Variants in ROCK1 observed in about 807,000 individuals in gnomAD.
ROCK1 encodes the protein Rho associated coiled-coil containing protein kinase 1.
In ROCK1, 36 loss-of-function variants were observed where a neutral mutation model predicts 196.8. The ratio of observed to expected loss-of-function variants is 0.18; its 90% confidence interval spans 0.14 to 0.24. The LOEUF (loss-of-function observed/expected upper bound fraction) is 0.24, where lower values mean the gene tolerates loss of function less well. ROCK1 is among the 10% of genes least tolerant of loss of function. ROCK1 has a pLI of 1.00. For synonymous variants in ROCK1, 443 were observed against 515.9 expected (o/e 0.86, Z 1.91); for missense variants, 920 against 1,562.0 (o/e 0.59, Z 6.93).
intron 1 of ROCK1, among the ~76,000 whole-genome samples, chr18:21,088,733 G>A (rs540795181): frequency 6.6e-6 from 1 of 152,210 alleles, no homozygotes; most frequent in South Asian, 2.1e-4. Flanking sequence ...ATGCCATGAT[G>A]AACAGGTTTG....
Position 21,049,848 on chromosome 18 carries a change from G to T in ROCK1, c.208C>A (p.Arg70=). The T allele has an allele frequency of 6.2e-7, 1 of 1,603,922 alleles. No homozygotes were observed. Among genetic ancestry groups the T allele is most frequent in the Non-Finnish European group, 8.5e-7 (1 of 1,174,134 alleles). Reference sequence around the variant, plus strand: ...ACTTCATAATCTTCAGCTTTCATTCGTAAATCTCTGATTTTATTTATTGTG... The same window carrying T: ...ACTTCATAATCTTCAGCTTTCATTCTTAAATCTCTGATTTTATTTATTGTG... ...KDTINKIRDL[R]MKAEDYEVVK... is the part of the protein sequence containing the mutation. The change falls in exon 3 of 33, where the codon CGA becomes AGA. Residue 70 remains arginine, a synonymous_variant. Coordinates refer to ENST00000399799, the MANE Select transcript of ROCK1 (RefSeq NM_005406.3).
rs906353386 is a variant in ROCK1 at position 21,055,733 on chromosome 18, T to G, written c.176-5853A>C. ...GGGAAACAAAAAAAAACTCTTGATC[T>G]CATTTCTCTCAGCAGCTACTGTCCC... On this transcript the variant is annotated intron_variant, in intron 2 of 32. Transcript: ENST00000399799. Among the ~76,000 whole-genome samples the G allele has an allele frequency of 3.3e-5, 5 of 152,288 alleles. No individual in the cohort carries two copies. The South Asian group carries it at 6.2e-4, about 19-fold the overall frequency.
chr18:20,981,245 T>A (rs2035530055), intron 21 of ROCK1, among the ~76,000 whole-genome samples: 1 of 151,956 alleles, frequency 6.6e-6, no homozygotes, highest in Admixed American at 6.6e-5. Context: ...GTACAAAAAA[T>A]TAGCTAGGCA....
At chr18:21,013,531 ACCCAGAAGGCAGTGGGAGGGGCACC>A (rs1175646533) in intron 13 of ROCK1, among the ~76,000 whole-genome samples, 2 of 152,118 alleles carry the variant, frequency 1.3e-5, no homozygotes, top group African/African-American at 4.8e-5. Context: ...TTTGATACCA[ACCCAGAAGGCAGTGGGAGGGGCACC>A]CCCTTACTGC....
Position 21,093,300 on chromosome 18 carries a change from G to A in ROCK1, c.93+17518C>T, listed in dbSNP as rs73433126. Among the ~76,000 whole-genome samples, 992 of 152,298 alleles carry A rather than the reference G, an allele frequency of 6.5e-3. 12 individuals carry two copies. The highest frequency in any genetic ancestry group is 0.023 in the African/African-American group (953 of 41,572). ...AAAACCAGCTGCAGTCACATCATTT[G>A]CAAAACCTTTGGGGCCAGGCCAAAT... On this transcript the variant is annotated intron_variant, in intron 1 of 32. Coordinates refer to ENST00000399799, the MANE Select transcript of ROCK1 (RefSeq NM_005406.3).
intron 1 of ROCK1, among the ~76,000 whole-genome samples, chr18:21,110,118 TA>T (rs2036737332): frequency 6.6e-6 from 1 of 152,194 alleles, no homozygotes; most frequent in Non-Finnish European, 1.5e-5. Flanking sequence ...TTTCATGTCA[TA>T]AAACCCTCTT....
intron 1 of ROCK1, among the ~76,000 whole-genome samples, chr18:21,080,567 C>T (rs7242932): frequency 0.13 from 19,391 of 151,960 alleles, 2,232 homozygotes; most frequent in African/African-American, 0.3. Context: ...AAAAAACAAA[C>T]AAAAACACCA....
intron 1 of ROCK1, among the ~76,000 whole-genome samples, chr18:21,097,316 A>G (rs2036620917): frequency 6.6e-6 from 1 of 152,204 alleles, no homozygotes; most frequent in African/African-American, 2.4e-5. Flanking sequence ...AAAAGTAAAG[A>G]TCAGATTCAG....
rs2143305634 is a variant in ROCK1 at position 20,949,130 on chromosome 18, G to A, written c.*2254C>T. ...CTCTCTCAGTTCTCAACAATTCTAA[G>A]TTCAGATTAGTATGTCATTTGGAAA... On this transcript the variant is annotated 3_prime_UTR_variant, in exon 33 of 33. Transcript: ENST00000399799. 1 of 152,322 alleles carries A rather than the reference G, an allele frequency of 6.6e-6. No individual in the cohort carries two copies. The highest frequency in any genetic ancestry group is 1.9e-4 in the East Asian group (1 of 5,186). The allele number at this position is 152,322 out of a possible 1,614,324, so 9.4% of individuals were successfully genotyped here.
intron 25 of ROCK1, 75 bp downstream of exon 25, chr18:20,968,697 T>C: frequency 4.6e-6 from 4 of 872,924 alleles, no homozygotes; most frequent in Non-Finnish European, 7.7e-6. Flanking sequence ...TAAGCCTTGG[T>C]TTTAGGAAAA....
At chr18:21,043,580 A>ATG in intron 6 of ROCK1, among the ~76,000 whole-genome samples, 2 of 148,160 alleles carry the variant, frequency 1.3e-5, no homozygotes, top group Non-Finnish European at 3.0e-5. Context: ...CATAATGTAT[A>ATG]TGTATATACA....
chr18:21,079,790 T>C (rs2143567815), intron 1 of ROCK1, among the ~76,000 whole-genome samples: 1 of 152,320 alleles, frequency 6.6e-6, no homozygotes, highest in Admixed American at 6.5e-5. Context: ...AAAGAAAGCC[T>C]GTACATAGGG....
chr18:21,057,679 G>A (rs568178703), intron 2 of ROCK1, among the ~76,000 whole-genome samples: 25 of 152,108 alleles, frequency 1.6e-4, no homozygotes, highest in East Asian at 1.2e-3. Context: ...AAAATTAGCC[G>A]GCACGGTGGT....
intron 8 of ROCK1, 34 bp from the exon 9 acceptor site, chr18:21,039,597 C>A (rs750102163): frequency 1.4e-6 from 2 of 1,436,192 alleles, no homozygotes; most frequent in African/African-American, 1.4e-5. Context: ...AGTAATCAAT[C>A]ATTTAAGATC....
At chr18:21,082,402 A>T (rs1352251121) in intron 1 of ROCK1, among the ~76,000 whole-genome samples, 1 of 152,228 alleles carries the variant, frequency 6.6e-6, no homozygotes, top group Admixed American at 6.5e-5. Flanking sequence ...AGAGTTTATG[A>T]AACATATGAA....
chr18:21,053,884 A>AAATAAAATGTTGTGATGTGTGTTCTCTT (rs2036225358), intron 2 of ROCK1, among the ~76,000 whole-genome samples: 1 of 152,202 alleles, frequency 6.6e-6, no homozygotes, highest in Non-Finnish European at 1.5e-5. Flanking sequence ...TTGCTTTGAC[A>AAATAAAATGTTGTGATGTGTGTTCTCTT]CATGCGTATG....
chr18:21,088,001 G>C (rs888633293), intron 1 of ROCK1, among the ~76,000 whole-genome samples: 6 of 152,020 alleles, frequency 3.9e-5, no homozygotes, highest in Non-Finnish European at 8.8e-5. Context: ...CAATAAATAA[G>C]AAAAAGATAG....
rs540094274 is a variant in ROCK1, at chr18:20,949,123, A to C, written c.*2261T>G. 1.3e-5 allele frequency: 2 copies of C among 152,356 alleles called. No homozygotes were observed. Among genetic ancestry groups the C allele is most frequent in the Admixed American group, 1.3e-4 (2 of 15,308 alleles). 9.4% of individuals were successfully genotyped at this position (152,356 alleles called of 1,614,324 possible). A position where few individuals can be genotyped will look rare whatever the true frequency, so the allele number is the denominator to read the frequency against. ...CTCAAAGCTCTCTCAGTTCTCAACA[A>C]TTCTAAGTTCAGATTAGTATGTCAT... On this transcript the variant is annotated 3_prime_UTR_variant, in exon 33 of 33. Coordinates refer to ENST00000399799, the MANE Select transcript of ROCK1 (RefSeq NM_005406.3).
At chr18:21,092,595 A>C (rs1379325920) in intron 1 of ROCK1, among the ~76,000 whole-genome samples, 2 of 151,674 alleles carry the variant, frequency 1.3e-5, no homozygotes, top group African/African-American at 2.4e-5. Context: ...AAAAAAAAAA[A>C]AAAAAAAAAC....
Sources: allele counts gnomAD v4.1 joint callset (sites outside exome capture counted in the v4.1 genomes callset), GRCh38; gene constraint gnomAD v4.1.1; transcripts MANE v1.5; gene names NCBI Gene and HGNC (gene_info 2026-07-23, HGNC 2026-07-21).